KLRG1: variants seen among roughly 807,000 people sequenced by gnomAD.
The protein encoded by KLRG1 is killer cell lectin-like receptor subfamily G member 1.
Under a neutral mutation model 21.8 loss-of-function variants are expected in KLRG1, and 16 were observed. That is an observed-to-expected ratio of 0.73 (90% CI 0.50 to 1.11). The LOEUF is 1.11. Ranked by LOEUF, KLRG1 falls within the 50% of genes most tolerant of loss-of-function variation. The pLI, the probability that KLRG1 is intolerant of heterozygous loss-of-function variation, is 0.00. For synonymous variants in KLRG1, 69 were observed against 75.9 expected, an observed-to-expected ratio of 0.91 and a Z score of 0.47; for missense variants, 173 against 218.3, an observed-to-expected ratio of 0.79 and a Z score of 1.31.
At chr12:9,119,929 G>T in the KLRG1 span, among the ~76,000 whole-genome samples, 1 of 152,182 alleles carries the variant, frequency 6.6e-6, no homozygotes, top group Non-Finnish European at 1.5e-5. Context: ...CCAGTTAGTT[G>T]CCAGGACACC....
chr12:9,197,081 G>A, the KLRG1 span: 3 of 1,613,378 alleles, frequency 1.9e-6, no homozygotes, highest in Admixed American at 5.0e-5. Flanking sequence ...TTCTACACAG[G>A]CTCACAGTTG....
chr12:8,955,039 C>T (rs1430024761), intron 1 of KLRG1, among the ~76,000 whole-genome samples: 3 of 151,904 alleles, frequency 2.0e-5, no homozygotes, highest in African/African-American at 7.3e-5. Flanking sequence ...GCCTCAGCCT[C>T]CCGAGTAGCT....
At chr12:9,082,433 C>T in the KLRG1 span, among the ~76,000 whole-genome samples, 1 of 152,306 alleles carries the variant, frequency 6.6e-6, no homozygotes, top group Admixed American at 6.5e-5. Flanking sequence ...CAACCAGTGG[C>T]CCTACCAAAC....
chr12:9,029,809 C>A, the KLRG1 span, among the ~76,000 whole-genome samples: 1 of 151,930 alleles, frequency 6.6e-6, no homozygotes, highest in East Asian at 1.9e-4. Flanking sequence ...CAGGCTGGAG[C>A]GCAATGGCAT....
chr12:9,154,474 A>G, the KLRG1 span: 1 of 862,612 alleles, frequency 1.2e-6, no homozygotes, highest in South Asian at 1.8e-5. Context: ...TCTTTCCTTT[A>G]AATTCTCATG....
the KLRG1 span, among the ~76,000 whole-genome samples, chr12:9,185,847 C>CG: frequency 1.7e-5 from 1 of 57,500 alleles, no homozygotes; most frequent in Admixed American, 2.2e-4. Flanking sequence ...CTCACTCTGT[C>CG]ACCAGGCTGG....
chr12:9,192,647 G>C, the KLRG1 span: 1 of 1,614,098 alleles, frequency 6.2e-7, no homozygotes, highest in Middle Eastern at 1.6e-4. Context: ...TTCCACTTAA[G>C]GAGAAAACAC....
downstream of KLRG1, among the ~76,000 whole-genome samples, chr12:9,015,389 C>T (rs923005978): frequency 2.0e-5 from 3 of 151,904 alleles, no homozygotes; most frequent in South Asian, 4.1e-4. Context: ...GATTTCAAGA[C>T]AAAAATTATA....
chr12:9,031,731 C>A, the KLRG1 span, among the ~76,000 whole-genome samples: 1 of 152,210 alleles, frequency 6.6e-6, no homozygotes, highest in Admixed American at 6.5e-5. Context: ...ATCAATCAAA[C>A]ACACTTAAGA....
intron 3 of KLRG1, among the ~76,000 whole-genome samples, 163 bp from the exon 4 acceptor site, chr12:9,008,812 G>A (rs927236137): frequency 4.6e-5 from 7 of 152,126 alleles, no homozygotes; most frequent in Non-Finnish European, 8.8e-5. Context: ...ATTGATTTTA[G>A]GACGCATTCA....
At chr12:8,973,894 G>C in intron 1 of KLRG1, among the ~76,000 whole-genome samples, 1 of 151,840 alleles carries the variant, frequency 6.6e-6, no homozygotes, top group African/African-American at 2.4e-5. Context: ...AATGATTTTT[G>C]TATGTTGATT....
At chr12:9,030,768 A>G in the KLRG1 span, among the ~76,000 whole-genome samples, 1 of 151,916 alleles carries the variant, frequency 6.6e-6, no homozygotes, top group Non-Finnish European at 1.5e-5. Flanking sequence ...AAACCACAAT[A>G]ACACAAATGC....
At chr12:9,155,321 A>G in the KLRG1 span, among the ~76,000 whole-genome samples, 1 of 152,062 alleles carries the variant, frequency 6.6e-6, no homozygotes, top group Admixed American at 6.5e-5. Flanking sequence ...CAACTGAATC[A>G]GTCCGTTTTT....
chr12:9,051,889 A>G, the KLRG1 span, among the ~76,000 whole-genome samples: 2 of 152,348 alleles, frequency 1.3e-5, no homozygotes, highest in East Asian at 1.9e-4. Flanking sequence ...CAATTAGACA[A>G]AAATATCAGA....
At chr12:9,158,579 A>G in the KLRG1 span, 3 of 1,613,908 alleles carry the variant, frequency 1.9e-6, no homozygotes, top group South Asian at 3.3e-5. Context: ...CTGTGAGCCT[A>G]GGGGGAGGAA....
At chr12:9,044,166 G>A in the KLRG1 span, among the ~76,000 whole-genome samples, 1 of 152,128 alleles carries the variant, frequency 6.6e-6, no homozygotes, top group Admixed American at 6.5e-5. Context: ...TGTAATATGT[G>A]TCCCAATTTC....
chr12:9,033,992 T>G, the KLRG1 span, among the ~76,000 whole-genome samples: 1 of 152,238 alleles, frequency 6.6e-6, no homozygotes, highest in South Asian at 2.1e-4. Flanking sequence ...CAGGGAATGA[T>G]GCAGTGCAGA....
At chr12:9,210,424 C>T in the KLRG1 span, among the ~76,000 whole-genome samples, 8 of 152,236 alleles carry the variant, frequency 5.3e-5, no homozygotes, top group South Asian at 2.1e-4. Context: ...GGACTCTAGA[C>T]GCTGCAATTT....
At chr12:9,097,121 G>A in the KLRG1 span, among the ~76,000 whole-genome samples, 2 of 152,036 alleles carry the variant, frequency 1.3e-5, no homozygotes, top group African/African-American at 2.4e-5. Context: ...AAAATTCTTT[G>A]AGAATTATAA....
Sources: allele counts gnomAD v4.1 joint callset (sites outside exome capture counted in the v4.1 genomes callset), GRCh38; gene constraint gnomAD v4.1.1; transcripts MANE v1.5; gene names NCBI Gene and HGNC (gene_info 2026-07-23, HGNC 2026-07-21).